Variants in LYPLA1 observed in about 807,000 individuals in gnomAD.
LYPLA1 encodes acyl-protein thioesterase 1.
In LYPLA1, 17 loss-of-function variants were observed where a neutral mutation model predicts 34.0. That is an observed-to-expected ratio of 0.50 (90% CI 0.34 to 0.75). The LOEUF is 0.75. Ranked by LOEUF, LYPLA1 falls within the 30% of genes least tolerant of loss-of-function variation. LYPLA1 has a pLI of 0.01. For synonymous variants in LYPLA1, 98 were observed against 100.8 expected (o/e 0.97, Z 0.17); for missense variants, 203 against 288.8 (o/e 0.70, Z 2.15).
intron 2 of LYPLA1, among the ~76,000 whole-genome samples, chr8:54,068,122 T>C (rs958931890): frequency 6.6e-6 from 1 of 152,230 alleles, no homozygotes; most frequent in African/African-American, 2.4e-5. Context: ...ACCAGGATAT[T>C]ATATAGGAGT....
chr8:54,044,985 G>A (rs952581362), downstream of LYPLA1: 11 of 152,100 alleles, frequency 7.2e-5, no homozygotes, highest in African/African-American at 2.7e-4. Context: ...TCATTTGTGT[G>A]TTTCAAAGCA....
intron 2 of LYPLA1, among the ~76,000 whole-genome samples, chr8:54,071,539 C>T (rs117617235): frequency 0.013 from 2,052 of 152,244 alleles, 27 homozygotes; most frequent in South Asian, 0.044. Flanking sequence ...CAATGGAACA[C>T]ACGCAGTAAA....
chr8:54,085,528 G>T (rs1464778709), intron 2 of LYPLA1, among the ~76,000 whole-genome samples: 2 of 151,768 alleles, frequency 1.3e-5, no homozygotes, highest in Non-Finnish European at 2.9e-5. Flanking sequence ...CGTCTAGGAA[G>T]TGAGGAGCGT....
chr8:54,051,471 G>A (rs748798824), intron 7 of LYPLA1, among the ~76,000 whole-genome samples: 2 of 151,952 alleles, frequency 1.3e-5, no homozygotes, highest in Middle Eastern at 3.4e-3. Context: ...TTTTTGAGAC[G>A]GAGTCTTGCT....
intron 2 of LYPLA1, among the ~76,000 whole-genome samples, chr8:54,091,433 G>C (rs1297380959): frequency 1.3e-5 from 2 of 151,588 alleles, no homozygotes; most frequent in African/African-American, 4.9e-5. Flanking sequence ...GTTGCAGTGA[G>C]CCGAGATCAC....
At chr8:54,077,035 C>G (rs1807960048) in intron 2 of LYPLA1, among the ~76,000 whole-genome samples, 1 of 152,090 alleles carries the variant, frequency 6.6e-6, no homozygotes, top group Non-Finnish European at 1.5e-5. Flanking sequence ...AAGACACATG[C>G]ATACTTACTT....
intron 5 of LYPLA1, among the ~76,000 whole-genome samples, chr8:54,060,132 C>CTT (rs112722082): frequency 2.0e-5 from 3 of 151,180 alleles, no homozygotes; most frequent in East Asian, 3.9e-4. Context: ...TTCTTTCTTT[C>CTT]TTTTTTTCCT....
intron 2 of LYPLA1, among the ~76,000 whole-genome samples, chr8:54,080,090 TA>T (rs1808202143): frequency 6.6e-6 from 1 of 152,080 alleles, no homozygotes; most frequent in South Asian, 2.1e-4. Flanking sequence ...ATCACACTTA[TA>T]AAATAATCTT....
At chr8:54,048,141 ATAGGTAGG>A (rs1213691314) in intron 8 of LYPLA1, 23 bp from the exon 9 acceptor site, 1 of 1,468,786 alleles carries the variant, frequency 6.8e-7, no homozygotes, top group Non-Finnish European at 9.5e-7. Flanking sequence ...AAGTAATTTA[ATAGGTAGG>A]TAGTTATGTA....
intron 7 of LYPLA1, among the ~76,000 whole-genome samples, chr8:54,051,490 C>A (rs768351922): frequency 2.0e-4 from 30 of 152,164 alleles, no homozygotes; most frequent in Admixed American, 1.5e-3. Context: ...CTCTGTTGCC[C>A]AGGCTGGAGT....
chr8:54,060,896 T>C (rs1014459662), intron 5 of LYPLA1, among the ~76,000 whole-genome samples: 18 of 152,018 alleles, frequency 1.2e-4, no homozygotes, highest in African/African-American at 3.9e-4. Flanking sequence ...GGTTTCACCA[T>C]GTTGGCCAGG....
chr8:54,051,406 A>G (rs1280500873), intron 7 of LYPLA1, among the ~76,000 whole-genome samples: 1 of 152,158 alleles, frequency 6.6e-6, no homozygotes, highest in Non-Finnish European at 1.5e-5. Context: ...ATATCTTCCC[A>G]GTGAATGAGT....
Position 54,101,762 on chromosome 8 carries a change from G to A in LYPLA1, c.62C>T (p.Thr21Ile). The A allele has an allele frequency of 1.5e-6, 2 of 1,301,976 alleles. No homozygotes were observed. The highest frequency in any genetic ancestry group is 9.8e-7 in the Non-Finnish European group (1 of 1,017,048). 80.7% of individuals were successfully genotyped at this position (1,301,976 alleles called of 1,614,324 possible). Reference protein sequence around the residue: ...PAIVPAARKATAAVIFLHGLG... With the variant: ...PAIVPAARKAIAAVIFLHGLG... ...CACGCCTACGCCACTCACCGCAGCG[G>A]TGGCCTTCCGGGCGGCGGGCACGAT... The change falls in exon 1 of 9, where the codon ACC becomes ATC. Residue 21 changes from threonine (T) to isoleucine (I), a missense_variant. Coordinates refer to ENST00000316963, the MANE Select transcript of LYPLA1 (RefSeq NM_006330.4).
intron 2 of LYPLA1, among the ~76,000 whole-genome samples, chr8:54,080,896 A>T (rs1337047884): frequency 6.6e-6 from 1 of 152,216 alleles, no homozygotes; most frequent in East Asian, 1.9e-4. Context: ...CCAAAAATTT[A>T]AATTTAACAT....
intron 2 of LYPLA1, chr8:54,073,224 G>T: frequency 1.2e-6 from 1 of 820,302 alleles, no homozygotes; most frequent in Admixed American, 1.7e-5. Context: ...GGGAGATACA[G>T]GACAGTAAGG....
In LYPLA1 at chr8:54,101,880, C is replaced by A. The variant is rs1010579502; in HGVS notation, c.-57G>T. The A allele has an allele frequency of 9.1e-6, 10 of 1,100,864 alleles. No individual in the cohort carries two copies. The African/African-American group carries it at 9.9e-5, about 11-fold the overall frequency. The allele number at this position is 1,100,864 out of a possible 1,614,324, so 68.2% of individuals were successfully genotyped here. A position where few individuals can be genotyped will look rare whatever the true frequency, so the allele number is the denominator to read the frequency against. Reference sequence around the variant, plus strand: ...GAAGAGCGGGCGCCCGGCCGCGGCCCAAGGGCGTGCGAGCGGCGAGTCCCG... The same window carrying A: ...GAAGAGCGGGCGCCCGGCCGCGGCCAAAGGGCGTGCGAGCGGCGAGTCCCG... On this transcript the variant is annotated 5_prime_UTR_variant, in exon 1 of 9. Coordinates refer to ENST00000316963, the MANE Select transcript of LYPLA1 (RefSeq NM_006330.4).
intron 5 of LYPLA1, among the ~76,000 whole-genome samples, chr8:54,056,684 G>A (rs1586084511): frequency 6.6e-6 from 1 of 152,206 alleles, no homozygotes; most frequent in Admixed American, 6.5e-5. Flanking sequence ...GGAGACCGAG[G>A]AGGGTGGGTT....
intron 2 of LYPLA1, among the ~76,000 whole-genome samples, chr8:54,091,686 C>T (rs985850647): frequency 3.3e-5 from 5 of 152,168 alleles, no homozygotes; most frequent in Non-Finnish European, 5.9e-5. Flanking sequence ...CTAGTCCCCA[C>T]TCAGCCACTA....
rs1268843010 is a variant in LYPLA1 at position 54,055,141 on chromosome 8, C to T, written c.287-8G>A. On this transcript the variant is annotated splice_region_variant and splice_polypyrimidine_tract_variant and intron_variant, in intron 5 of 8. Transcript: ENST00000316963. ...GATCAATCAAAGCTTTTACTAAAAACAACATGAAAGTTAGTCAGCAATACT... is the reference window on the plus strand; with the variant it reads ...GATCAATCAAAGCTTTTACTAAAAATAACATGAAAGTTAGTCAGCAATACT... The T allele has an allele frequency of 6.4e-7, 1 of 1,567,006 alleles. No individual in the cohort carries two copies. The highest frequency in any genetic ancestry group is 8.8e-7 in the Non-Finnish European group (1 of 1,139,094).
Sources: allele counts gnomAD v4.1 joint callset (sites outside exome capture counted in the v4.1 genomes callset), GRCh38; gene constraint gnomAD v4.1.1; transcripts MANE v1.5; gene names NCBI Gene and HGNC (gene_info 2026-07-23, HGNC 2026-07-21).